Variants in C8orf34 observed in about 807,000 individuals in gnomAD.
C8orf34 encodes the protein uncharacterized protein C8orf34.
In C8orf34, 65 loss-of-function variants were observed where a neutral mutation model predicts 68.3. That is an observed-to-expected ratio of 0.95 (90% CI 0.78 to 1.17). The LOEUF (loss-of-function observed/expected upper bound fraction) is 1.17, where lower values mean the gene tolerates loss of function less well. Among genes scored for constraint, C8orf34 ranks in the 50% most tolerant of loss-of-function variants. The pLI is 0.00. For synonymous variants in C8orf34, 244 were observed against 241.2 expected (o/e 1.01, Z -0.11); for missense variants, 664 against 655.4 (o/e 1.01, Z -0.14).
intron 5 of C8orf34, among the ~76,000 whole-genome samples, chr8:68,521,502 A>G (rs988436402): frequency 6.6e-6 from 1 of 152,142 alleles, no homozygotes; most frequent in Non-Finnish European, 1.5e-5. Flanking sequence ...TGTTTACAAC[A>G]CACTCTTCCT....
At chr8:68,574,933 A>G (rs1816858368) in intron 7 of C8orf34, among the ~76,000 whole-genome samples, 1 of 151,926 alleles carries the variant, frequency 6.6e-6, no homozygotes, top group African/African-American at 2.4e-5. Context: ...TCATTTATAG[A>G]CACTCCCTAT....
chr8:68,338,517 G>A (rs1231135480), intron 1 of C8orf34, among the ~76,000 whole-genome samples: 1 of 152,012 alleles, frequency 6.6e-6, no homozygotes, highest in Non-Finnish European at 1.5e-5. Flanking sequence ...TGTCACTATG[G>A]ATTAGGTTTC....
chr8:68,481,851 G>A (rs1272915766), intron 4 of C8orf34, among the ~76,000 whole-genome samples: 2 of 152,122 alleles, frequency 1.3e-5, no homozygotes, highest in African/African-American at 4.8e-5. Context: ...TATGTAGAAG[G>A]GACTTGCCTT....
intron 1 of C8orf34, among the ~76,000 whole-genome samples, chr8:68,420,335 A>G (rs1809907002): frequency 6.6e-6 from 1 of 152,142 alleles, no homozygotes; most frequent in African/African-American, 2.4e-5. Flanking sequence ...CACAAAAGCT[A>G]CATTCTATAT....
intron 7 of C8orf34, among the ~76,000 whole-genome samples, chr8:68,563,792 A>G (rs980147179): frequency 1.3e-5 from 2 of 152,230 alleles, no homozygotes; most frequent in South Asian, 2.1e-4. Context: ...AAAGAGATAT[A>G]TAATCGAAAA....
chr8:68,745,992 T>A (rs1312537323), intron 10 of C8orf34, among the ~76,000 whole-genome samples: 3 of 151,998 alleles, frequency 2.0e-5, no homozygotes, highest in African/African-American at 4.8e-5. Context: ...GAAGTAAAGC[T>A]CTTCTCAGCA....
At chr8:68,749,559 C>T (rs909408293) in intron 10 of C8orf34, among the ~76,000 whole-genome samples, 1 of 138,314 alleles carries the variant, frequency 7.2e-6, no homozygotes, top group Non-Finnish European at 1.6e-5. Flanking sequence ...ACACTGTCAT[C>T]ACCCCAGCAA....
chr8:68,755,485 A>G (rs1822828861), intron 10 of C8orf34, among the ~76,000 whole-genome samples: 2 of 152,152 alleles, frequency 1.3e-5, no homozygotes. Context: ...CTTCATACCA[A>G]TCCTATGTAG....
intron 1 of C8orf34, among the ~76,000 whole-genome samples, chr8:68,408,332 GTAA>G (rs927264214): frequency 2.0e-5 from 3 of 151,374 alleles, no homozygotes; most frequent in African/African-American, 4.9e-5. Flanking sequence ...ATATTATAAT[GTAA>G]TAATAATATA....
At chr8:68,639,862 A>T (rs1312962645) in intron 7 of C8orf34, among the ~76,000 whole-genome samples, 1 of 152,212 alleles carries the variant, frequency 6.6e-6, no homozygotes, top group Non-Finnish European at 1.5e-5. Context: ...GAAAAAGGGG[A>T]AGACATCAGT....
intron 9 of C8orf34, among the ~76,000 whole-genome samples, chr8:68,717,887 T>A (rs1821522464): frequency 6.6e-6 from 1 of 152,160 alleles, no homozygotes; most frequent in East Asian, 1.9e-4. Context: ...GTTCTTATGA[T>A]CGACCTTTAA....
intron 8 of C8orf34, among the ~76,000 whole-genome samples, chr8:68,649,577 T>C (rs1819282249): frequency 6.6e-6 from 1 of 152,198 alleles, no homozygotes; most frequent in Non-Finnish European, 1.5e-5. Context: ...AAGGAAGACA[T>C]GAGAATAACA....
At chr8:68,527,476 G>C (rs999718899) in intron 6 of C8orf34, among the ~76,000 whole-genome samples, 1 of 152,218 alleles carries the variant, frequency 6.6e-6, no homozygotes, top group African/African-American at 2.4e-5. Context: ...GGAGGCTGAG[G>C]CAGGAGAATG....
intron 1 of C8orf34, among the ~76,000 whole-genome samples, chr8:68,360,951 C>T (rs1806967882): frequency 6.6e-6 from 1 of 151,856 alleles, no homozygotes; most frequent in Non-Finnish European, 1.5e-5. Flanking sequence ...GACGGGGTTT[C>T]ACCATGTTGG....
intron 8 of C8orf34, among the ~76,000 whole-genome samples, chr8:68,661,219 G>A (rs927073216): frequency 2.6e-5 from 4 of 152,216 alleles, no homozygotes; most frequent in Non-Finnish European, 5.9e-5. Flanking sequence ...GGGAGCAGAT[G>A]GCAGTCTCTG....
At chr8:68,773,007 A>G (rs1414861987) in intron 10 of C8orf34, among the ~76,000 whole-genome samples, 1 of 151,768 alleles carries the variant, frequency 6.6e-6, no homozygotes, top group Non-Finnish European at 1.5e-5. Flanking sequence ...GGGAAATTGC[A>G]TTATGGCATT....
In C8orf34 at chr8:68,567,577, C is replaced by CTTTTTTTTTTTTTTT. The variant is rs1160845483; in HGVS notation, c.1105+34449_1105+34463dup. On this transcript the variant is annotated intron_variant, in intron 7 of 13. Transcript: ENST00000518698. ...TCTTTTCAAATTTTGTTTCATTTAT[C>CTTTTTTTTTTTTTTT]TTTTTTTTTTTTTTTTTTTTTTTTT... Among the ~76,000 whole-genome samples, 5 of 29,780 alleles carry CTTTTTTTTTTTTTTT rather than the reference C, an allele frequency of 1.7e-4. 2 individuals are homozygous for CTTTTTTTTTTTTTTT. The highest frequency in any genetic ancestry group is 3.0e-4 in the Non-Finnish European group (5 of 16,684). 19.5% of individuals were successfully genotyped at this position (29,780 alleles called of 152,430 possible). A position where few individuals can be genotyped will look rare whatever the true frequency, so the allele number is the denominator to read the frequency against.
intron 1 of C8orf34, among the ~76,000 whole-genome samples, chr8:68,396,741 A>G (rs938381343): frequency 2.7e-4 from 39 of 143,090 alleles, no homozygotes; most frequent in African/African-American, 9.6e-4. Flanking sequence ...AAAAAAAAAA[A>G]GCCTGGTGCC....
chr8:68,730,645 T>C (rs768478972), intron 10 of C8orf34, among the ~76,000 whole-genome samples: 1 of 152,148 alleles, frequency 6.6e-6, no homozygotes, highest in Non-Finnish European at 1.5e-5. Flanking sequence ...GTTTAAACAT[T>C]GATTATGGTT....
Sources: gnomAD v4.1 joint callset for allele counts (sites outside exome capture counted in the v4.1 genomes callset) on GRCh38, gnomAD v4.1.1 for gene constraint, MANE v1.5 for transcripts, NCBI Gene and HGNC (gene_info 2026-07-23, HGNC 2026-07-21) for gene names.